NSG2: variants seen among roughly 807,000 people sequenced by gnomAD.
The protein encoded by NSG2 is neuronal vesicle trafficking associated 2, also known as neuronal vesicle trafficking-associated protein 2.
A neutral mutation model predicts 16.9 loss-of-function variants in NSG2; 4 were observed. That is an observed-to-expected ratio of 0.24 (90% CI 0.12 to 0.54). The LOEUF is 0.54. NSG2 is among the 20% of genes least tolerant of loss of function. The pLI, the probability that NSG2 is intolerant of heterozygous loss-of-function variation, is 0.95. For missense variants in NSG2, 179 were observed against 221.1 expected (o/e 0.81, Z 1.21); for synonymous variants, 98 against 88.7 (o/e 1.11, Z -0.59).
chr5:174,089,370 G>A (rs868581857), intron 3 of NSG2, among the ~76,000 whole-genome samples: 5 of 152,138 alleles, frequency 3.3e-5, no homozygotes, highest in African/African-American at 4.8e-5. Flanking sequence ...AGTGTACGCC[G>A]CCACCAGAGG....
intron 2 of NSG2, among the ~76,000 whole-genome samples, chr5:174,054,907 A>C (rs1295410677): frequency 6.6e-6 from 1 of 152,232 alleles, no homozygotes; most frequent in African/African-American, 2.4e-5. Flanking sequence ...CTGTTTCCTC[A>C]TGACACTAGT....
At chr5:174,064,101 G>T (rs747408383) in intron 2 of NSG2, 131 bp from the exon 3 acceptor site, 13 of 572,154 alleles carry the variant, frequency 2.3e-5, no homozygotes, top group African/African-American at 2.0e-4. Context: ...TTTCTCTTAC[G>T]TGTGTTTGAA....
intron 3 of NSG2, among the ~76,000 whole-genome samples, chr5:174,095,141 TC>T (rs1760776759): frequency 6.6e-6 from 1 of 152,118 alleles, no homozygotes; most frequent in South Asian, 2.1e-4. Context: ...CATACGGCAG[TC>T]TTCCTGAGTG....
At chr5:174,080,529 CT>C (rs1760438463) in intron 3 of NSG2, among the ~76,000 whole-genome samples, 3 of 102,796 alleles carry the variant, frequency 2.9e-5, no homozygotes, top group African/African-American at 8.5e-5. Context: ...CTTTCTTTCT[CT>C]CTCTCTCTCT....
intron 3 of NSG2, among the ~76,000 whole-genome samples, chr5:174,066,696 A>T (rs1166220021): frequency 6.6e-6 from 1 of 151,988 alleles, no homozygotes; most frequent in African/African-American, 2.4e-5. Flanking sequence ...TGCTTTTTTA[A>T]AAAAAAACAG....
At chr5:174,047,099 G>C (rs568469233) in intron 2 of NSG2, among the ~76,000 whole-genome samples, 1 of 152,196 alleles carries the variant, frequency 6.6e-6, no homozygotes, top group African/African-American at 2.4e-5. Flanking sequence ...GTTCATATCT[G>C]CATAAATGGG....
intron 3 of NSG2, among the ~76,000 whole-genome samples, chr5:174,091,563 G>C (rs1244923286): frequency 6.6e-6 from 1 of 152,154 alleles, no homozygotes; most frequent in Non-Finnish European, 1.5e-5. Flanking sequence ...TTCCTGGTGT[G>C]TGTGTGGAGC....
chr5:174,097,795 CTG>C (rs777589195), intron 3 of NSG2, among the ~76,000 whole-genome samples: 7 of 144,662 alleles, frequency 4.8e-5, no homozygotes, highest in African/African-American at 1.0e-4. Flanking sequence ...GTGTGTGTCT[CTG>C]TGTGTGTGTG....
At chr5:174,099,404 G>A (rs1472385325) in intron 3 of NSG2, among the ~76,000 whole-genome samples, 1 of 152,108 alleles carries the variant, frequency 6.6e-6, no homozygotes, top group Non-Finnish European at 1.5e-5. Flanking sequence ...GCCCCGTCTG[G>A]CCTCAGCACC....
intron 2 of NSG2, among the ~76,000 whole-genome samples, chr5:174,049,668 G>A (rs1285831488): frequency 1.3e-5 from 2 of 152,128 alleles, no homozygotes; most frequent in Admixed American, 6.6e-5. Flanking sequence ...GCAGGAATGA[G>A]GAGTGAGCCA....
At chr5:174,079,536 G>A (rs749050536) in intron 3 of NSG2, among the ~76,000 whole-genome samples, 4 of 152,246 alleles carry the variant, frequency 2.6e-5, no homozygotes, top group Non-Finnish European at 5.9e-5. Flanking sequence ...GATTACAGGC[G>A]TGAGCCACCA....
rs148500337 is a variant in NSG2, at chr5:174,064,234, G to T, written c.132G>T (p.Val44=). 3.1e-6 allele frequency: 5 copies of T among 1,606,832 alleles called. No individual in the cohort carries two copies. Among genetic ancestry groups the T allele is most frequent in the Non-Finnish European group, 4.3e-6 (5 of 1,175,316 alleles). Reference sequence around the variant, plus strand: ...AACACACTGGTTGACTCTTTCAGGTGATTGTGAAGACAAGAACGGAATATC... The same window carrying T: ...AACACACTGGTTGACTCTTTCAGGTTATTGTGAAGACAAGAACGGAATATC... ...NHLQLPAPEK[V]IVKTRTEYQP... is the part of the protein sequence containing the mutation. Residue 44 remains valine (V), a splice_region_variant and synonymous_variant, in exon 3 of 5, where the codon GTG becomes GTT. Coordinates refer to ENST00000303177, the MANE Select transcript of NSG2 (RefSeq NM_015980.5).
Position 174,072,713 on chromosome 5 carries a change from G to A in NSG2, c.213+8398G>A, listed in dbSNP as rs1349874132. Among the ~76,000 whole-genome samples, 1 of 152,242 alleles carries A rather than the reference G, an allele frequency of 6.6e-6. No individual in the cohort carries two copies. The highest frequency in any genetic ancestry group is 1.5e-5 in the Non-Finnish European group (1 of 68,044). On this transcript the variant is annotated intron_variant, in intron 3 of 4. Transcript: ENST00000303177. This position sits in a 1 kb window ranked among gnomAD's most constrained non-coding sequence, Gnocchi z 4.0. ...TAATAAATGAATAAGGCTGGGTGTG[G>A]TGGCTCACACCTGTAATCCTAGCAC...
rs140490210 is a variant in NSG2 at position 174,088,494 on chromosome 5, T to A, written c.214-15734T>A. Among the ~76,000 whole-genome samples the A allele has an allele frequency of 4.3e-4, 65 of 152,338 alleles. No homozygotes were observed. The Middle Eastern group carries it at 0.01, about 24-fold the overall frequency. ...ACCCTGGTTATCTCCTATTCTCAGA[T>A]ATGTGCATGAGTCTGATAAATCCAA... On this transcript the variant is annotated intron_variant, in intron 3 of 4. Coordinates refer to ENST00000303177, the MANE Select transcript of NSG2 (RefSeq NM_015980.5).
At chr5:174,078,837 A>C (rs1206523999) in intron 3 of NSG2, among the ~76,000 whole-genome samples, 10 of 152,182 alleles carry the variant, frequency 6.6e-5, no homozygotes. Flanking sequence ...TGGTGCCTTC[A>C]TCTTAGGTCT....
intron 2 of NSG2, among the ~76,000 whole-genome samples, chr5:174,053,530 A>G (rs766381650): frequency 6.6e-6 from 1 of 152,120 alleles, no homozygotes; most frequent in Non-Finnish European, 1.5e-5. Flanking sequence ...TCTCCGAGAC[A>G]CAGGATATGA....
At chr5:174,074,360 G>A (rs147468193) in intron 3 of NSG2, among the ~76,000 whole-genome samples, 159 of 152,252 alleles carry the variant, frequency 1.0e-3, no homozygotes, top group Non-Finnish European at 1.7e-3. Context: ...TTTCTGGGGA[G>A]GGAGGTCTCT....
intron 3 of NSG2, among the ~76,000 whole-genome samples, chr5:174,079,264 T>TC (rs1554101421): frequency 7.0e-4 from 86 of 122,944 alleles, no homozygotes; most frequent in Non-Finnish European, 9.3e-4. Context: ...TCTCTCTCTC[T>TC]TTTTTTTTTT....
chr5:174,056,868 A>G (rs1759974694), intron 2 of NSG2, among the ~76,000 whole-genome samples: 1 of 152,182 alleles, frequency 6.6e-6, no homozygotes, highest in Non-Finnish European at 1.5e-5. Context: ...TTAAATTTTT[A>G]TGATCTGTAC....
Sources: gnomAD v4.1 joint callset for allele counts (sites outside exome capture counted in the v4.1 genomes callset) on GRCh38, gnomAD v4.1.1 for gene constraint, Gnocchi (gnomAD v3.1) non-coding constraint, MANE v1.5 for transcripts, NCBI Gene and HGNC (gene_info 2026-07-23, HGNC 2026-07-21) for gene names.